LRMDA: variants seen among roughly 807,000 people sequenced by gnomAD.
LRMDA encodes the protein leucine-rich melanocyte differentiation-associated protein.
In LRMDA, 18 loss-of-function variants were observed where a neutral mutation model predicts 29.8. The observed-to-expected ratio is 0.60, with a 90% confidence interval of 0.42 to 0.90. The LOEUF is 0.90. Ranked by LOEUF, LRMDA falls within the 40% of genes least tolerant of loss-of-function variation. The probability of loss-of-function intolerance (pLI) is 0.00; values close to 1 mark genes in which losing one functional copy is unlikely to be tolerated. For missense variants in LRMDA, 273 were observed against 273.9 expected (o/e 1.00, Z 0.02); for synonymous variants, 125 against 109.4 (o/e 1.14, Z -0.89).
intron 6 of LRMDA, among the ~76,000 whole-genome samples, chr10:76,335,757 A>G (rs1179943931): frequency 6.6e-6 from 1 of 152,240 alleles, no homozygotes; most frequent in African/African-American, 2.4e-5. Context: ...GCTGGGTGAT[A>G]TAAGAGGTTG....
At chr10:76,466,664 T>C (rs1295338608) in intron 6 of LRMDA, among the ~76,000 whole-genome samples, 1 of 152,064 alleles carries the variant, frequency 6.6e-6, no homozygotes, top group African/African-American at 2.4e-5. Context: ...GGCATGGTGG[T>C]GTGTGCCTGT....
chr10:75,804,465 A>G (rs1311955433), intron 2 of LRMDA, among the ~76,000 whole-genome samples: 2 of 152,250 alleles, frequency 1.3e-5, no homozygotes, highest in African/African-American at 4.8e-5. Context: ...ACAAAAAATC[A>G]GGCCTGCCGA....
intron 6 of LRMDA, among the ~76,000 whole-genome samples, chr10:76,516,677 A>AT (rs1169980639): frequency 6.6e-6 from 1 of 152,038 alleles, no homozygotes; most frequent in Non-Finnish European, 1.5e-5. Flanking sequence ...CGAACTCTTC[A>AT]TTTTTTATGG....
chr10:76,446,903 C>A (rs984472852), intron 6 of LRMDA, among the ~76,000 whole-genome samples: 1 of 152,134 alleles, frequency 6.6e-6, no homozygotes, highest in African/African-American at 2.4e-5. Context: ...TGGTGTGTGC[C>A]TTTAGTGTGA....
At chr10:76,214,347 TTTTTTTTTA>T (rs1019913861) in intron 5 of LRMDA, among the ~76,000 whole-genome samples, 6 of 133,076 alleles carry the variant, frequency 4.5e-5, no homozygotes, top group African/African-American at 1.5e-4. Context: ...TTTTTTTTTT[TTTTTTTTTA>T]TGAGACGGAG....
At chr10:75,793,427 G>A (rs1355828379) in intron 2 of LRMDA, among the ~76,000 whole-genome samples, 2 of 152,176 alleles carry the variant, frequency 1.3e-5, no homozygotes, top group Non-Finnish European at 2.9e-5. Flanking sequence ...TACCCAGTAG[G>A]ACAATATTTC....
At chr10:75,511,140 C>T (rs886874985) in intron 2 of LRMDA, among the ~76,000 whole-genome samples, 8 of 152,046 alleles carry the variant, frequency 5.3e-5, no homozygotes, top group African/African-American at 1.4e-4. Flanking sequence ...CCAGCCTGAG[C>T]GACATGGCGA....
chr10:76,521,256 C>T (rs1329834341), intron 6 of LRMDA, among the ~76,000 whole-genome samples: 1 of 151,986 alleles, frequency 6.6e-6, no homozygotes. Context: ...GCCTCAGCCT[C>T]CAGAGTAGCT....
At chr10:76,033,403 C>G (rs1848184969) in intron 2 of LRMDA, among the ~76,000 whole-genome samples, 1 of 152,184 alleles carries the variant, frequency 6.6e-6, no homozygotes, top group African/African-American at 2.4e-5. Context: ...CTTACCAGCT[C>G]TTCTGGGAAG....
intron 2 of LRMDA, among the ~76,000 whole-genome samples, chr10:75,581,578 A>T (rs546975987): frequency 0.012 from 1,814 of 152,256 alleles, 31 homozygotes; most frequent in African/African-American, 0.039. Flanking sequence ...ATATACCCAA[A>T]GGATTATAAG....
chr10:76,080,675 A>C (rs1175008673), intron 5 of LRMDA, among the ~76,000 whole-genome samples: 1 of 152,240 alleles, frequency 6.6e-6, no homozygotes, highest in Non-Finnish European at 1.5e-5. Flanking sequence ...AATCATAGTG[A>C]GTTGCCCATT....
intron 2 of LRMDA, chr10:75,883,422 A>C (rs779543706): frequency 6.6e-6 from 1 of 152,180 alleles, no homozygotes; most frequent in African/African-American, 2.4e-5. Context: ...TCAACAGCAC[A>C]CCCAAGAGTT....
chr10:76,441,642 A>C (rs1842304235), intron 6 of LRMDA, among the ~76,000 whole-genome samples: 1 of 152,092 alleles, frequency 6.6e-6, no homozygotes, highest in South Asian at 2.1e-4. Flanking sequence ...GCACAGGGGG[A>C]GTGGCAGCCT....
chr10:75,648,164 C>T (rs1276198474), intron 2 of LRMDA, among the ~76,000 whole-genome samples: 3 of 152,182 alleles, frequency 2.0e-5, no homozygotes, highest in African/African-American at 4.8e-5. Context: ...TTCACAACCA[C>T]CCTGTTAGGC....
intron 2 of LRMDA, among the ~76,000 whole-genome samples, chr10:75,477,132 A>G (rs1451377095): frequency 6.6e-6 from 1 of 152,058 alleles, no homozygotes; most frequent in South Asian, 2.1e-4. Context: ...ATAGGACTAC[A>G]GGTGTATACC....
chr10:76,502,764 A>G (rs1842923718), intron 6 of LRMDA, among the ~76,000 whole-genome samples: 2 of 148,292 alleles, frequency 1.3e-5, no homozygotes, highest in Non-Finnish European at 3.0e-5. Context: ...TTTTTTTGCT[A>G]AAGTGGTTTA....
intron 6 of LRMDA, among the ~76,000 whole-genome samples, chr10:76,422,159 A>G (rs946482291): frequency 3.9e-5 from 6 of 152,144 alleles, no homozygotes; most frequent in Middle Eastern, 3.4e-3. Flanking sequence ...ACCAAGACTT[A>G]TAAGACTGTG....
intron 2 of LRMDA, among the ~76,000 whole-genome samples, chr10:75,641,761 A>G: frequency 6.6e-6 from 1 of 152,150 alleles, no homozygotes; most frequent in East Asian, 1.9e-4. Flanking sequence ...TAGATTTGGT[A>G]GATTTCATTT....
intron 6 of LRMDA, among the ~76,000 whole-genome samples, chr10:76,395,849 C>A (rs546931879): frequency 6.6e-6 from 1 of 152,290 alleles, no homozygotes; most frequent in East Asian, 1.9e-4. Flanking sequence ...TGTGAAAACA[C>A]GATGAATTGA....
Sources: allele counts gnomAD v4.1 joint callset (sites outside exome capture counted in the v4.1 genomes callset), GRCh38; gene constraint gnomAD v4.1.1; transcripts MANE v1.5; gene names NCBI Gene and HGNC (gene_info 2026-07-23, HGNC 2026-07-21).